DDR2: variants seen among roughly 807,000 people sequenced by gnomAD.
DDR2 encodes discoidin domain receptor tyrosine kinase 2, also known as discoidin domain-containing receptor 2.
Under a neutral mutation model 94.9 loss-of-function variants are expected in DDR2, and 27 were observed. The observed-to-expected ratio is 0.28, with a 90% CI of 0.21 to 0.39. DDR2 has a LOEUF of 0.39. DDR2 is among the 10% of genes least tolerant of loss of function. DDR2 has a pLI of 1.00. For synonymous variants in DDR2, 382 were observed against 377.2 expected (o/e 1.01, Z -0.15); for missense variants, 783 against 1,076.0 (o/e 0.73, Z 3.81).
In DDR2 at chr1:162,633,873, A is replaced by G. The variant is rs138911554; in HGVS notation, c.-192+1242A>G. Among the ~76,000 whole-genome samples the G allele has an allele frequency of 1.5e-3, 230 of 152,354 alleles. 4 individuals are homozygous for G. Among genetic ancestry groups the G allele is most frequent in the African/African-American group, 5.2e-3 (215 of 41,582 alleles). Reference sequence around the variant, plus strand: ...ATAATTCATGCTCAGAGCTCTTCATACATAATTTGATTGACTCTCACAGCT... The same window carrying G: ...ATAATTCATGCTCAGAGCTCTTCATGCATAATTTGATTGACTCTCACAGCT... On this transcript the variant is annotated intron_variant, in intron 1 of 17. Coordinates refer to ENST00000367921, the MANE Select transcript of DDR2 (RefSeq NM_006182.4).
rs571410580 is a variant in DDR2, at chr1:162,650,424, C to T, written c.-191-4787C>T. Reference sequence around the variant, plus strand: ...CAGCCTGGCCAACATGGTGAAAGCCCATCTCTACTAAAAGTACAAAAATTA... The same window carrying T: ...CAGCCTGGCCAACATGGTGAAAGCCTATCTCTACTAAAAGTACAAAAATTA... On this transcript the variant is annotated intron_variant, in intron 1 of 17. Transcript: ENST00000367921. 2.0e-5 allele frequency among the ~76,000 whole-genome samples: 3 copies of T among 152,176 alleles called. No homozygotes were observed. In the East Asian group the frequency reaches 5.8e-4, roughly 30 times the overall value.
intron 8 of DDR2, 59 bp from the exon 9 acceptor site, chr1:162,761,152 G>A: frequency 6.2e-7 from 1 of 1,611,680 alleles, no homozygotes; most frequent in Non-Finnish European, 8.5e-7. Flanking sequence ...GGCTGGCACT[G>A]TGTCTCCATG....
At chr1:162,659,488 C>T (rs1658183511) in intron 2 of DDR2, among the ~76,000 whole-genome samples, 1 of 152,110 alleles carries the variant, frequency 6.6e-6, no homozygotes, top group African/African-American at 2.4e-5. Flanking sequence ...CGGCTGTCTA[C>T]TTGGGGCAGA....
intron 2 of DDR2, among the ~76,000 whole-genome samples, chr1:162,655,777 TTTTTTA>T (rs930568764): frequency 1.6e-4 from 24 of 152,204 alleles, no homozygotes; most frequent in African/African-American, 4.6e-4. Context: ...TTTGTTTTTA[TTTTTTA>T]TTTTTAACAA....
chr1:162,730,809 C>A (rs1318839288), intron 3 of DDR2, among the ~76,000 whole-genome samples: 2 of 152,150 alleles, frequency 1.3e-5, no homozygotes, highest in African/African-American at 4.8e-5. Context: ...CCTTACATTC[C>A]CCCTCCACAC....
At chr1:162,737,230 C>T (rs1301677635) in intron 3 of DDR2, among the ~76,000 whole-genome samples, 1 of 148,258 alleles carries the variant, frequency 6.7e-6, no homozygotes, top group African/African-American at 2.5e-5. Flanking sequence ...CATATGTATA[C>T]ATGTGCCATG....
chr1:162,696,214 TAA>T lies in DDR2; in HGVS notation c.-27-22814_-27-22813del, dbSNP rs34098783. Among the ~76,000 whole-genome samples the T allele has an allele frequency of 7.4e-4, 101 of 137,298 alleles. 1 individual carries two copies. The highest frequency in any genetic ancestry group is 2.4e-3 in the African/African-American group (90 of 36,980). 90.1% of individuals were successfully genotyped at this position (137,298 alleles called of 152,430 possible). A position where few individuals can be genotyped will look rare whatever the true frequency, so the allele number is the denominator to read the frequency against. ...GTTTCTTTTCCTTTTTTTTTTTTTT[TAA>T]AAAAAAAACAAAAACAAATAACACT... On this transcript the variant is annotated intron_variant, in intron 2 of 17. Transcript: ENST00000367921.
In DDR2 at chr1:162,775,818, T is replaced by G; in HGVS notation, c.2023T>G (p.Ser675Ala). The G allele has an allele frequency of 6.2e-7, 1 of 1,614,034 alleles. No individual in the cohort carries two copies. The highest frequency in any genetic ancestry group is 8.5e-7 in the Non-Finnish European group (1 of 1,179,994). Residue 675 changes from serine to alanine, a missense_variant, in exon 15 of 18, where the codon TCC becomes GCC. By Grantham distance (99) the Ser-to-Ala change is moderately conservative (BLOSUM62 1). Transcript: ENST00000367921. The part of the protein sequence containing the change: ...FLSRHEPPNS[S>A]SSDVRTVSYT... ...TTCCCGCCACGAGCCCCCTAATTCT[T>G]CCTCCAGCGATGTACGCACTGTCAG...
intron 16 of DDR2, chr1:162,777,873 C>A (rs1483469450): frequency 1.3e-5 from 2 of 153,728 alleles, no homozygotes; most frequent in African/African-American, 2.4e-5. Context: ...GAGCAGTGGA[C>A]CACCAGGTTG....
At chr1:162,760,103 T>G in intron 8 of DDR2, 124 bp downstream of exon 8, 1 of 1,263,542 alleles carries the variant, frequency 7.9e-7, no homozygotes, top group Non-Finnish European at 1.1e-6. Flanking sequence ...TGTTACTAAC[T>G]AGCTAAATGC....
At chr1:162,660,411 T>C (rs1029141254) in intron 2 of DDR2, among the ~76,000 whole-genome samples, 1 of 152,130 alleles carries the variant, frequency 6.6e-6, no homozygotes, top group Non-Finnish European at 1.5e-5. Context: ...TGGTCTAAAA[T>C]AGATCTTTAC....
Position 162,772,118 on chromosome 1 carries a change from A to G in DDR2, c.1599A>G (p.Thr533=), listed in dbSNP as rs1282946234. The change falls in exon 13 of 18, where the codon ACA becomes ACG. Residue 533 remains threonine (T), a synonymous_variant. Transcript: ENST00000367921. ...EADIVNLQGV[T]GGNTYSVPAV... is the part of the protein sequence containing the mutation. The stretch of plus-strand genomic sequence containing the variant: ...ACATAGTGAACCTCCAAGGAGTGAC[A>G]GGAGGCAACACATACTCAGTGCCTG... 3 of 1,614,092 alleles carry G rather than the reference A, an allele frequency of 1.9e-6. No individual in the cohort carries two copies. In the African/African-American group the frequency reaches 4.0e-5, roughly 22 times the overall value.
intron 1 of DDR2, among the ~76,000 whole-genome samples, chr1:162,638,391 G>A (rs1385599709): frequency 6.6e-6 from 1 of 152,076 alleles, no homozygotes; most frequent in Non-Finnish European, 1.5e-5. Context: ...CATAATTATG[G>A]CTATCGTTCT....
rs535478014 is a variant in DDR2, at chr1:162,640,110, C to T, written c.-192+7479C>T. On this transcript the variant is annotated intron_variant, in intron 1 of 17. Transcript: ENST00000367921. ...AGGCTGGAGTGCAGTGGTGTGATCTCGGCTCACTGCAACCTCTGCCTCCTG... is the reference window on the plus strand; with the variant it reads ...AGGCTGGAGTGCAGTGGTGTGATCTTGGCTCACTGCAACCTCTGCCTCCTG... Among the ~76,000 whole-genome samples, 28 of 149,748 alleles carry T rather than the reference C, an allele frequency of 1.9e-4. No homozygotes were observed. The South Asian group carries it at 3.2e-3, about 17-fold the overall frequency.
intron 9 of DDR2, among the ~76,000 whole-genome samples, chr1:162,765,671 G>C (rs1391294450): frequency 6.6e-6 from 1 of 151,326 alleles, no homozygotes; most frequent in Admixed American, 6.6e-5. Flanking sequence ...GCTATATTCT[G>C]TCTATATTTT....
chr1:162,670,139 C>T (rs985816230), intron 2 of DDR2, among the ~76,000 whole-genome samples: 73 of 152,306 alleles, frequency 4.8e-4, no homozygotes, highest in African/African-American at 1.7e-3. Context: ...GAGACAGAGT[C>T]TTGCTCTGTC....
chr1:162,662,638 G>A (rs186070480), intron 2 of DDR2, among the ~76,000 whole-genome samples: 1 of 152,162 alleles, frequency 6.6e-6, no homozygotes, highest in Non-Finnish European at 1.5e-5. Flanking sequence ...TAATTGTGTG[G>A]CTTAATTTCC....
At chr1:162,729,286 A>G in intron 3 of DDR2, among the ~76,000 whole-genome samples, 1 of 30,788 alleles carries the variant, frequency 3.2e-5, no homozygotes, top group South Asian at 1.2e-3. Flanking sequence ...CCATTTATAT[A>G]TATATATATA....
Position 162,694,607 on chromosome 1 carries a change from A to G in DDR2, c.-27-24430A>G, listed in dbSNP as rs112096782. Among the ~76,000 whole-genome samples, 466 of 152,208 alleles carry G rather than the reference A, an allele frequency of 3.1e-3. 2 individuals carry two copies. The highest frequency in any genetic ancestry group is 0.011 in the African/African-American group (444 of 41,512). On this transcript the variant is annotated intron_variant, in intron 2 of 17. Coordinates refer to ENST00000367921, the MANE Select transcript of DDR2 (RefSeq NM_006182.4). ...TGATTTTTCTTTTTTCCAGCCTCCC[A>G]TGAAACTCTAAGACACATGTGGGAA...
Sources: gnomAD v4.1 joint callset for allele counts (sites outside exome capture counted in the v4.1 genomes callset) on GRCh38, gnomAD v4.1.1 for gene constraint, MANE v1.5 for transcripts, NCBI Gene and HGNC (gene_info 2026-07-23, HGNC 2026-07-21) for gene names.